The following GFM1 variants were observed in gnomAD, a reference collection of about 807,000 sequenced individuals.
The protein encoded by GFM1 is elongation factor G, mitochondrial.
Under a neutral mutation model 96.2 loss-of-function variants are expected in GFM1, and 62 were observed. The observed-to-expected ratio is 0.64, with a 90% confidence interval of 0.53 to 0.80. The LOEUF is 0.80. Ranked by LOEUF, GFM1 falls within the 30% of genes least tolerant of loss-of-function variation. The pLI, the probability that GFM1 is intolerant of heterozygous loss-of-function variation, is 0.00. For missense variants in GFM1, 852 were observed against 916.6 expected, an observed-to-expected ratio of 0.93 and a Z score of 0.91; for synonymous variants, 282 against 312.9, an observed-to-expected ratio of 0.90 and a Z score of 1.04.
At chr3:158,647,871 C>T (rs908261145) in intron 4 of GFM1, among the ~76,000 whole-genome samples, 1 of 151,956 alleles carries the variant, frequency 6.6e-6, no homozygotes, top group Non-Finnish European at 1.5e-5. Context: ...ATTTGTTTTC[C>T]ATTTTGTAAC....
chr3:158,646,939 G>C lies in GFM1; in HGVS notation c.564G>C (p.Gln188His), dbSNP rs1304734556. The change falls in exon 4 of 18, where the codon CAG becomes CAC. Residue 188 changes from glutamine to histidine, a missense_variant. Physicochemically the swap from Gln to His is conservative, Grantham distance 24. Transcript: ENST00000486715. ...RMGSNPARAL[Q>H]QMRSKLNHNA... ...GCTCCAACCCAGCCAGGGCCCTGCAGCAAATGAGGTAATGAGCCTTAGAAT... is the reference window on the plus strand; with the variant it reads ...GCTCCAACCCAGCCAGGGCCCTGCACCAAATGAGGTAATGAGCCTTAGAAT... The C allele has an allele frequency of 2.5e-6, 4 of 1,613,514 alleles. No individual in the cohort carries two copies. The highest frequency in any genetic ancestry group is 3.4e-6 in the Non-Finnish European group (4 of 1,179,522).
intron 13 of GFM1, chr3:158,671,155 G>T: frequency 4.2e-6 from 5 of 1,198,068 alleles, no homozygotes; most frequent in Non-Finnish European, 5.3e-6. Flanking sequence ...CTTGAAAAAG[G>T]CATGTCACCA....
In GFM1 at chr3:158,644,688, C is replaced by T. The variant is rs776007974; in HGVS notation, c.54C>T (p.Pro18=). The change falls in exon 1 of 18, where the codon CCC becomes CCT. Residue 18 remains proline, a synonymous_variant. Transcript: ENST00000486715. ...AVAALGRGRA[P]ASLGWQRKQV... The stretch of plus-strand genomic sequence containing the variant: ...CGGCTCTGGGGCGCGGAAGGGCCCC[C>T]GCCTCCCTAGGCTGGCAGAGGAAGC... 3.2e-6 allele frequency: 5 copies of T among 1,580,122 alleles called. No individual in the cohort carries two copies. In the East Asian group the frequency reaches 6.9e-5, roughly 22 times the overall value.
chr3:158,654,503 ATC>A, intron 7 of GFM1, 42 bp from the exon 8 acceptor site: 1 of 1,158,976 alleles, frequency 8.6e-7, no homozygotes, highest in Non-Finnish European at 1.3e-6. Flanking sequence ...TAAAAGAAAT[ATC>A]ATATATTACA....
intron 5 of GFM1, chr3:158,650,246 T>G: frequency 1.7e-6 from 1 of 604,984 alleles, no homozygotes; most frequent in Non-Finnish European, 2.9e-6. Context: ...TAAGGCAGAG[T>G]TTTTGTTTTT....
At position 158,644,585 on chromosome 3, in the gene GFM1, G is replaced by C. The variant is rs1721579057; in HGVS notation, c.-50G>C. 2.0e-6 allele frequency: 3 copies of C among 1,497,098 alleles called. No individual in the cohort carries two copies. The highest frequency in any genetic ancestry group is 2.8e-5 in the African/African-American group (2 of 71,644). The allele number at this position is 1,497,098 out of a possible 1,614,324, so 92.7% of individuals were successfully genotyped here. On this transcript the variant is annotated 5_prime_UTR_variant, in exon 1 of 18. Transcript: ENST00000486715. ...ACCGCTTCCCGGTGCGTTACCGGCA[G>C]CTGAACCCACCCGGCGCCACGGGAC... is the stretch of plus-strand genomic sequence containing the variant.
chr3:158,675,911 T>G (rs1384292228), intron 13 of GFM1, among the ~76,000 whole-genome samples: 1 of 152,244 alleles, frequency 6.6e-6, no homozygotes, highest in African/African-American at 2.4e-5. Context: ...GTGCAGATAC[T>G]TTGGTTGTTA....
intron 12 of GFM1, 64 bp from the exon 13 acceptor site, chr3:158,666,240 C>A: frequency 1.8e-6 from 2 of 1,120,324 alleles, no homozygotes; most frequent in Non-Finnish European, 2.7e-6. Context: ...ATATAAGATG[C>A]TTAGGAGGTT....
rs1725679318 is a variant in GFM1, at chr3:158,684,631, C to A, written c.1872C>A (p.Ile624=). 2 of 1,614,050 alleles carry A rather than the reference C, an allele frequency of 1.2e-6. No individual in the cohort carries two copies. Among genetic ancestry groups the A allele is most frequent in the Non-Finnish European group, 8.5e-7 (1 of 1,179,962 alleles). ...ACCACATGGTTGATTCTAATGAAAT[C>A]TCTTTCATCCGAGCAGGAGAAGGTG... ...GAHHMVDSNE[I]SFIRAGEGAL... The change falls in exon 15 of 18, where the codon ATC becomes ATA. Residue 624 remains isoleucine, a synonymous_variant. Transcript: ENST00000486715.
chr3:158,686,721 G>GTTTTTTTTTTTTTTTTTT, intron 15 of GFM1, among the ~76,000 whole-genome samples: 1 of 85,730 alleles, frequency 1.2e-5, no homozygotes, highest in Non-Finnish European at 2.1e-5. Flanking sequence ...TTGAATTGAG[G>GTTTTTTTTTTTTTTTTTT]TTTTTTTTTT....
At position 158,645,725 on chromosome 3, in the gene GFM1, A is replaced by T; in HGVS notation, c.178A>T (p.Thr60Ser). 6.2e-7 allele frequency: 1 copy of T among 1,612,184 alleles called. No homozygotes were observed. Among genetic ancestry groups the T allele is most frequent in the Non-Finnish European group, 8.5e-7 (1 of 1,178,210 alleles). Reference sequence around the variant, plus strand: ...CTCAGCTCACATTGATTCTGGGAAAACTACATTAACAGAACGAGTCCTTTA... The same window carrying T: ...CTCAGCTCACATTGATTCTGGGAAATCTACATTAACAGAACGAGTCCTTTA... ...GISAHIDSGK[T>S]TLTERVLYYT... is the part of the protein sequence containing the mutation. Residue 60 changes from threonine to serine, a missense_variant, in exon 2 of 18, where the codon ACT (threonine) becomes TCT (serine). Thr to Ser is a moderately conservative substitution (Grantham distance 58). Transcript: ENST00000486715.
chr3:158,657,692 G>A (rs1054840297), intron 8 of GFM1, among the ~76,000 whole-genome samples: 3 of 151,728 alleles, frequency 2.0e-5, no homozygotes, highest in African/African-American at 7.3e-5. Flanking sequence ...ACTGGAATTT[G>A]TTTTAGTGGG....
chr3:158,666,673 A>G, intron 13 of GFM1: 2 of 1,613,962 alleles, frequency 1.2e-6, no homozygotes, highest in Non-Finnish European at 1.7e-6. Flanking sequence ...CCTTTGGCAG[A>G]CGGCTATTAT....
intron 5 of GFM1, chr3:158,649,590 T>C (rs1722125275): frequency 4.9e-6 from 1 of 202,186 alleles, no homozygotes. Context: ...GCTTTATAAT[T>C]ACATGGACAG....
chr3:158,654,774 G>C, intron 8 of GFM1, 143 bp downstream of exon 8: 1 of 666,338 alleles, frequency 1.5e-6, no homozygotes, highest in Non-Finnish European at 2.7e-6. Context: ...AATTTCCAAA[G>C]CTCTGACATG....
chr3:158,676,977 G>T (rs1213451902), intron 13 of GFM1, among the ~76,000 whole-genome samples: 2 of 152,200 alleles, frequency 1.3e-5, no homozygotes, highest in Admixed American at 6.5e-5. Context: ...TGGGATTACA[G>T]GCATGAGCCG....
intron 10 of GFM1, among the ~76,000 whole-genome samples, chr3:158,661,520 A>G (rs1339435092): frequency 6.6e-6 from 1 of 152,224 alleles, no homozygotes; most frequent in Admixed American, 6.5e-5. Flanking sequence ...ACTTATATAA[A>G]TAGCCTGCCC....
intron 13 of GFM1, among the ~76,000 whole-genome samples, chr3:158,679,326 G>A (rs1415383397): frequency 6.6e-6 from 1 of 152,110 alleles, no homozygotes; most frequent in Non-Finnish European, 1.5e-5. Context: ...TGCGATATTA[G>A]CTTCATTGCA....
chr3:158,644,969 C>T (rs997884429), intron 1 of GFM1: 12 of 438,380 alleles, frequency 2.7e-5, no homozygotes, highest in Non-Finnish European at 4.9e-5. Flanking sequence ...ATTTTATCCA[C>T]CTTTTCTAAG....
Sources: allele counts gnomAD v4.1 joint callset (sites outside exome capture counted in the v4.1 genomes callset), GRCh38; gene constraint gnomAD v4.1.1; transcripts MANE v1.5; gene names NCBI Gene and HGNC (gene_info 2026-07-23, HGNC 2026-07-21).